Variants in ZNF483 observed in about 807,000 individuals in gnomAD.
ZNF483 encodes the protein zinc finger protein 483.
Under a neutral mutation model 28.6 loss-of-function variants are expected in ZNF483, and 9 were observed. The ratio of observed to expected loss-of-function variants is 0.32; its 90% CI spans 0.19 to 0.55. The LOEUF is 0.55. ZNF483 is among the 20% of genes least tolerant of loss of function. The pLI, the probability that ZNF483 is intolerant of heterozygous loss-of-function variation, is 0.93. For synonymous variants in ZNF483, 322 were observed against 306.2 expected (o/e 1.05, Z -0.54); for missense variants, 675 against 871.7 (o/e 0.77, Z 2.84).
intron 5 of ZNF483, chr9:111,574,354 G>A (rs1188807238): frequency 6.5e-6 from 1 of 152,872 alleles, no homozygotes; most frequent in Non-Finnish European, 1.5e-5. Flanking sequence ...TATTGTTTTT[G>A]TTATTATTAT....
rs1358068293 is a variant in ZNF483, at chr9:111,549,785, AT to A, written c.*6619del. The A allele has an allele frequency of 6.5e-7, 1 of 1,544,808 alleles. No homozygotes were observed. The highest frequency in any genetic ancestry group is 8.8e-7 in the Non-Finnish European group (1 of 1,141,624). On this transcript the variant is annotated 3_prime_UTR_variant, in exon 6 of 6. Coordinates refer to ENST00000309235, the MANE Select transcript of ZNF483 (RefSeq NM_133464.5). The stretch of plus-strand genomic sequence containing the variant: ...CTGCTTTGAAGCTTCAATCTTCTTC[AT>A]TTTCTCTTTTGATCTGTCAACACAA...
chr9:111,574,769 A>T, intron 5 of ZNF483: 1 of 1,613,904 alleles, frequency 6.2e-7, no homozygotes, highest in South Asian at 1.1e-5. Flanking sequence ...ATATGTAGAG[A>T]TGGCTCCACA....
rs1336260159 is a variant in ZNF483 at position 111,549,224 on chromosome 9, T to G, written c.*6054T>G. Among the ~76,000 whole-genome samples the G allele has an allele frequency of 6.6e-6, 1 of 152,222 alleles. No homozygotes were observed. The highest frequency in any genetic ancestry group is 1.5e-5 in the Non-Finnish European group (1 of 68,028). On this transcript the variant is annotated 3_prime_UTR_variant, in exon 6 of 6. Transcript: ENST00000309235. ...TTTGTTTTCCCCTCGGAATAGTTTA[T>G]CAGATGAGGAATTTCTTGATCACTG... is the stretch of plus-strand genomic sequence containing the variant.
chr9:111,529,756 A>T (rs1827272732), intron 2 of ZNF483, among the ~76,000 whole-genome samples: 1 of 152,250 alleles, frequency 6.6e-6, no homozygotes, highest in Non-Finnish European at 1.5e-5. Context: ...TTTTCACAGG[A>T]AACTTTTATC....
At chr9:111,567,402 G>T (rs1377348826) in intron 5 of ZNF483, among the ~76,000 whole-genome samples, 2 of 152,100 alleles carry the variant, frequency 1.3e-5, no homozygotes, top group African/African-American at 2.4e-5. Flanking sequence ...TGGTCAGATG[G>T]TCTCGATCTC....
In ZNF483 at chr9:111,527,348, A is replaced by C. The variant is rs768284020; in HGVS notation, c.-48A>C. 4 of 1,585,474 alleles carry C rather than the reference A, an allele frequency of 2.5e-6. No homozygotes were observed. Among genetic ancestry groups the C allele is most frequent in the African/African-American group, 1.3e-5 (1 of 74,154 alleles). On this transcript the variant is annotated 5_prime_UTR_variant, in exon 2 of 6. Transcript: ENST00000309235. ...TAGTGCCTGTTGGTGGACTGTACTG[A>C]TACTCAACTAGAGTGTGAAGGGACT...
In ZNF483 at chr9:111,542,308, G is replaced by A. The variant is rs201324819; in HGVS notation, c.1373G>A (p.Arg458Gln). 141 of 1,613,916 alleles carry A rather than the reference G, an allele frequency of 8.7e-5. No individual in the cohort carries two copies. Among genetic ancestry groups the A allele is most frequent in the African/African-American group, 5.6e-4 (42 of 74,876 alleles). Residue 458 changes from arginine to glutamine, a missense_variant, in exon 6 of 6, where the codon CGG becomes CAG. Transcript: ENST00000309235. This position sits in a 1 kb window ranked among gnomAD's most constrained non-coding sequence, Gnocchi z 6.2. ...FGYSASLTKH[R>Q]RIHTGEKPYM... ...TATAGCGCCTCACTCACCAAACATC[G>A]GAGAATTCACACTGGAGAAAAACCC...
At position 111,563,186 on chromosome 9, in the gene ZNF483, T is replaced by C. The variant is rs1828387190; in HGVS notation, c.722-13179T>C. ...AGCATTCCCATAAATGCAGCTGGCA[T>C]GTTTTCAAATCCTTCAATGATATAT... On this transcript the variant is annotated intron_variant, in intron 5 of 5. Coordinates refer to the ZNF483 transcript ENST00000358151. The C allele has an allele frequency of 6.2e-7, 1 of 1,614,034 alleles. No individual in the cohort carries two copies. The highest frequency in any genetic ancestry group is 1.3e-5 in the African/African-American group (1 of 75,064).
At chr9:111,564,908 G>A (rs369210634) in intron 5 of ZNF483, among the ~76,000 whole-genome samples, 41 of 152,078 alleles carry the variant, frequency 2.7e-4, no homozygotes, top group African/African-American at 7.2e-4. Context: ...TGGATCACCC[G>A]AGGTCAGGAG....
At position 111,553,495 on chromosome 9, in the gene ZNF483, A is replaced by G. The variant is rs578220106; in HGVS notation, c.*10325A>G. On this transcript the variant is annotated 3_prime_UTR_variant, in exon 6 of 6. Coordinates refer to ENST00000309235, the MANE Select transcript of ZNF483 (RefSeq NM_133464.5). Reference sequence around the variant, plus strand: ...GCATAGGTATACTCTATCTTGTGCTATCTGCATAAAATATCCAAGTAAACA... The same window carrying G: ...GCATAGGTATACTCTATCTTGTGCTGTCTGCATAAAATATCCAAGTAAACA... Among the ~76,000 whole-genome samples the G allele has an allele frequency of 6.6e-6, 1 of 152,342 alleles. No homozygotes were observed. The highest frequency in any genetic ancestry group is 2.1e-4 in the South Asian group (1 of 4,832).
intron 5 of ZNF483, among the ~76,000 whole-genome samples, chr9:111,535,083 A>G (rs1427982627): frequency 2.0e-5 from 3 of 152,178 alleles, no homozygotes; most frequent in African/African-American, 4.8e-5. Flanking sequence ...ATAGTTACCT[A>G]TCAGAGGAGT....
Position 111,551,325 on chromosome 9 carries a change from G to T in ZNF483, c.*8155G>T, listed in dbSNP as rs779221195. Among the ~76,000 whole-genome samples, 13 of 147,684 alleles carry T rather than the reference G, an allele frequency of 8.8e-5. No homozygotes were observed. The highest frequency in any genetic ancestry group is 1.5e-4 in the Non-Finnish European group (10 of 67,142). Reference sequence around the variant, plus strand: ...TAGAGTTGATAAGTAGATTCACATAGTTCTTCCAAACATACTTTGTTGTTG... The same window carrying T: ...TAGAGTTGATAAGTAGATTCACATATTTCTTCCAAACATACTTTGTTGTTG... On this transcript the variant is annotated 3_prime_UTR_variant, in exon 6 of 6. Transcript: ENST00000309235.
chr9:111,565,588 T>G (rs1276577566), intron 5 of ZNF483, among the ~76,000 whole-genome samples: 1 of 152,158 alleles, frequency 6.6e-6, no homozygotes, highest in Non-Finnish European at 1.5e-5. Context: ...AGTGGCACAT[T>G]CAGAGTTCAC....
Position 111,545,549 on chromosome 9 carries a change from C to T in ZNF483, c.*2379C>T, listed in dbSNP as rs1416514666. Among the ~76,000 whole-genome samples, 1 of 152,106 alleles carries T rather than the reference C, an allele frequency of 6.6e-6. No individual in the cohort carries two copies. On this transcript the variant is annotated 3_prime_UTR_variant, in exon 6 of 6. Coordinates refer to ENST00000309235, the MANE Select transcript of ZNF483 (RefSeq NM_133464.5). Reference sequence around the variant, plus strand: ...TTTAGAACATCATCCCAGCAAGATCCGTTATTCCAGTTTACAGTTAATCTC... The same window carrying T: ...TTTAGAACATCATCCCAGCAAGATCTGTTATTCCAGTTTACAGTTAATCTC...
chr9:111,530,653 G>C (rs1347132537), intron 2 of ZNF483, among the ~76,000 whole-genome samples: 1 of 150,638 alleles, frequency 6.6e-6, no homozygotes, highest in East Asian at 2.0e-4. Flanking sequence ...TGCCTGCTGG[G>C]TGTGGGGGAA....
rs953334630 is a variant in ZNF483, at chr9:111,551,269, A to G, written c.*8099A>G. Among the ~76,000 whole-genome samples, 2 of 152,206 alleles carry G rather than the reference A, an allele frequency of 1.3e-5. No homozygotes were observed. Among genetic ancestry groups the G allele is most frequent in the Non-Finnish European group, 2.9e-5 (2 of 68,028 alleles). On this transcript the variant is annotated 3_prime_UTR_variant, in exon 6 of 6. Coordinates refer to ENST00000309235, the MANE Select transcript of ZNF483 (RefSeq NM_133464.5). ...TCTACACACAAAATTTTCATTTGTA[A>G]TACATAACTCACATTTAGATTTATA...
At chr9:111,535,900 C>T (rs1000741003) in intron 5 of ZNF483, among the ~76,000 whole-genome samples, 2 of 132,166 alleles carry the variant, frequency 1.5e-5, no homozygotes, top group Admixed American at 7.7e-5. Flanking sequence ...TATTATTATT[C>T]TTTTTTTTTT....
At chr9:111,569,401 CTA>C (rs1386715458) in intron 5 of ZNF483, among the ~76,000 whole-genome samples, 7 of 152,200 alleles carry the variant, frequency 4.6e-5, no homozygotes, top group African/African-American at 1.7e-4. Flanking sequence ...AGAATGATCA[CTA>C]TGAAATATTT....
chr9:111,541,175 C>T (rs1254762977), intron 5 of ZNF483, among the ~76,000 whole-genome samples: 5 of 151,212 alleles, frequency 3.3e-5, no homozygotes, highest in African/African-American at 4.9e-5. Context: ...CTGTAACCTC[C>T]GCCTCCTGGG....
Sources: allele counts gnomAD v4.1 joint callset (sites outside exome capture counted in the v4.1 genomes callset), GRCh38; gene constraint gnomAD v4.1.1; non-coding constraint Gnocchi (gnomAD v3.1); transcripts MANE v1.5; gene names NCBI Gene and HGNC (gene_info 2026-07-23, HGNC 2026-07-21).